Variants in CHCHD3 observed in about 807,000 individuals in gnomAD.
CHCHD3 encodes the protein MICOS complex subunit MIC19.
A neutral mutation model predicts 38.2 loss-of-function variants in CHCHD3; 20 were observed. The observed-to-expected ratio is 0.52, with a 90% CI of 0.37 to 0.76. The LOEUF is 0.76. CHCHD3 is among the 30% of genes least tolerant of loss of function. CHCHD3 has a pLI of 0.00. For missense variants in CHCHD3, 245 were observed against 279.2 expected (o/e 0.88, Z 0.87); for synonymous variants, 82 against 100.0 (o/e 0.82, Z 1.07).
intron 4 of CHCHD3, among the ~76,000 whole-genome samples, chr7:132,961,686 CTG>C (rs1811325202): frequency 6.6e-6 from 1 of 152,200 alleles, no homozygotes; most frequent in Non-Finnish European, 1.5e-5. Flanking sequence ...ATTAAAAATA[CTG>C]TAGAACTATA....
chr7:132,973,620 A>G, intron 4 of CHCHD3: 1 of 1,012,110 alleles, frequency 9.9e-7, no homozygotes, highest in Non-Finnish European at 1.2e-6. Context: ...TACCACCTCT[A>G]TTCTGGCTTC....
intron 5 of CHCHD3, among the ~76,000 whole-genome samples, chr7:132,861,730 T>C (rs1045919911): frequency 2.6e-5 from 4 of 152,238 alleles, no homozygotes; most frequent in African/African-American, 4.8e-5. Context: ...TAAATGAGCA[T>C]GGCTGTCTTC....
chr7:133,040,891 C>T (rs1339276845), intron 2 of CHCHD3, among the ~76,000 whole-genome samples: 2 of 152,128 alleles, frequency 1.3e-5, no homozygotes, highest in African/African-American at 4.8e-5. Context: ...AATGCTTTTT[C>T]CATCCCAGGG....
At chr7:133,046,680 A>G (rs1813995862) in intron 2 of CHCHD3, among the ~76,000 whole-genome samples, 1 of 152,012 alleles carries the variant, frequency 6.6e-6, no homozygotes, top group Non-Finnish European at 1.5e-5. Flanking sequence ...CTCCCGCCTC[A>G]GCCTCCCGAG....
At chr7:133,078,641 T>C (rs2117556193) in intron 1 of CHCHD3, among the ~76,000 whole-genome samples, 1 of 152,370 alleles carries the variant, frequency 6.6e-6, no homozygotes. Flanking sequence ...TGCCAGAAGC[T>C]GAGTTTACTG....
At chr7:132,950,868 G>C (rs918855544) in intron 4 of CHCHD3, among the ~76,000 whole-genome samples, 19 of 152,078 alleles carry the variant, frequency 1.2e-4, no homozygotes, top group African/African-American at 4.3e-4. Context: ...TTTCCTTGAT[G>C]CATTCTAAAT....
chr7:132,908,325 T>C (rs1029949868), intron 4 of CHCHD3, among the ~76,000 whole-genome samples: 10 of 152,180 alleles, frequency 6.6e-5, no homozygotes, highest in Non-Finnish European at 1.2e-4. Context: ...TTGCAAATTT[T>C]AAGTCCTTTA....
At chr7:132,988,543 T>C (rs1812188742) in intron 3 of CHCHD3, among the ~76,000 whole-genome samples, 1 of 152,160 alleles carries the variant, frequency 6.6e-6, no homozygotes, top group Admixed American at 6.5e-5. Context: ...ATAATGGTAA[T>C]TTAGCAATAA....
intron 4 of CHCHD3, among the ~76,000 whole-genome samples, chr7:132,909,400 A>T (rs1333693229): frequency 1.3e-5 from 2 of 152,176 alleles, no homozygotes; most frequent in African/African-American, 4.8e-5. Context: ...CTGAGGCAGG[A>T]GAATCGCTTG....
intron 2 of CHCHD3, among the ~76,000 whole-genome samples, chr7:133,056,934 C>T (rs1420473345): frequency 6.6e-6 from 1 of 151,982 alleles, no homozygotes; most frequent in Non-Finnish European, 1.5e-5. Flanking sequence ...ATATACACCA[C>T]ATGAGCTCAC....
intron 4 of CHCHD3, among the ~76,000 whole-genome samples, chr7:132,890,071 C>T (rs1253929164): frequency 6.6e-6 from 1 of 152,030 alleles, no homozygotes; most frequent in African/African-American, 2.4e-5. Flanking sequence ...TTCGGGATAA[C>T]GTAACTGGGC....
At chr7:132,872,818 G>T (rs1046705914) in intron 5 of CHCHD3, among the ~76,000 whole-genome samples, 3 of 152,134 alleles carry the variant, frequency 2.0e-5, no homozygotes, top group Non-Finnish European at 4.4e-5. Flanking sequence ...TTTTAAAGAG[G>T]GGGAGGGCCG....
At chr7:133,046,601 G>A (rs1044853650) in intron 2 of CHCHD3, among the ~76,000 whole-genome samples, 4 of 150,998 alleles carry the variant, frequency 2.6e-5, no homozygotes, top group Non-Finnish European at 5.9e-5. Flanking sequence ...CCCTTCTGTC[G>A]CCCAGGCTGG....
intron 3 of CHCHD3, among the ~76,000 whole-genome samples, chr7:132,984,821 G>A (rs1284484602): frequency 1.5e-5 from 2 of 134,058 alleles, no homozygotes; most frequent in East Asian, 2.4e-4. Flanking sequence ...GAGCGTCTCC[G>A]CCCGGCAGCC....
chr7:132,910,320 C>T (rs1024402567), intron 4 of CHCHD3, among the ~76,000 whole-genome samples: 1 of 152,162 alleles, frequency 6.6e-6, no homozygotes, highest in Non-Finnish European at 1.5e-5. Context: ...AAGTGCCCCC[C>T]ACATGCTTGA....
intron 4 of CHCHD3, among the ~76,000 whole-genome samples, chr7:132,898,662 G>A (rs1255842929): frequency 2.6e-5 from 4 of 152,268 alleles, no homozygotes; most frequent in East Asian, 1.9e-4. Flanking sequence ...AGGGGGTGGC[G>A]CTCGTCGAGG....
intron 5 of CHCHD3, among the ~76,000 whole-genome samples, chr7:132,855,922 T>C (rs1253115059): frequency 1.3e-5 from 2 of 151,526 alleles, no homozygotes; most frequent in African/African-American, 4.8e-5. Context: ...GAGAAAAAGA[T>C]AGCTATAGAG....
chr7:133,073,274 T>A (rs1814880460), intron 1 of CHCHD3, among the ~76,000 whole-genome samples: 1 of 152,104 alleles, frequency 6.6e-6, no homozygotes, highest in African/African-American at 2.4e-5. Flanking sequence ...CTCTCCTGCC[T>A]GCACTTCAAT....
intron 3 of CHCHD3, among the ~76,000 whole-genome samples, chr7:133,021,768 C>G (rs1028195653): frequency 6.6e-6 from 1 of 152,102 alleles, no homozygotes; most frequent in East Asian, 1.9e-4. Context: ...ATTCACTATA[C>G]TATATTTTTC....
Sources: allele counts gnomAD v4.1 joint callset (sites outside exome capture counted in the v4.1 genomes callset), GRCh38; gene constraint gnomAD v4.1.1; transcripts MANE v1.5; gene names NCBI Gene and HGNC (gene_info 2026-07-23, HGNC 2026-07-21).